Variants in HLCS observed in about 807,000 individuals in gnomAD.
The protein encoded by HLCS is holocarboxylase synthetase.
In HLCS, 53 loss-of-function variants were observed where a neutral mutation model predicts 75.0. The ratio of observed to expected loss-of-function variants is 0.71; its 90% confidence interval spans 0.57 to 0.89. The LOEUF is 0.89. Among genes scored for constraint, HLCS ranks in the 40% least tolerant of loss-of-function variants. The probability of loss-of-function intolerance (pLI) is 0.00; values close to 1 mark genes in which losing one functional copy is unlikely to be tolerated. For missense variants in HLCS, 966 were observed against 1,074.0 expected (o/e 0.90, Z 1.41); for synonymous variants, 431 against 428.6 (o/e 1.01, Z -0.07).
chr21:36,970,353 T>C (rs2068751977), upstream of HLCS, among the ~76,000 whole-genome samples: 1 of 151,834 alleles, frequency 6.6e-6, no homozygotes, highest in Non-Finnish European at 1.5e-5. Context: ...CCTCCTCAGT[T>C]TCCCAAAGTG....
rs1014216104 is a variant in HLCS at position 36,754,154 on chromosome 21, A to C, written c.*92T>G. ...AAAAGAACAAAGACTTAACAAATGAATTGGAGGAAAAGAAAATTCACCTAC... is the reference window on the plus strand; with the variant it reads ...AAAAGAACAAAGACTTAACAAATGACTTGGAGGAAAAGAAAATTCACCTAC... On this transcript the variant is annotated 3_prime_UTR_variant, in exon 11 of 11. Coordinates refer to ENST00000674895, the MANE Select transcript of HLCS (RefSeq NM_001352514.2). 1 of 1,251,810 alleles carries C rather than the reference A, an allele frequency of 8.0e-7. No homozygotes were observed. Among genetic ancestry groups the C allele is most frequent in the Non-Finnish European group, 1.1e-6 (1 of 872,994 alleles). 77.5% of individuals were successfully genotyped at this position (1,251,810 alleles called of 1,614,324 possible).
In HLCS at chr21:36,930,450, G is replaced by A. The variant is rs1266390614; in HGVS notation, c.1438-17C>T. The A allele has an allele frequency of 1.9e-6, 3 of 1,607,644 alleles. No homozygotes were observed. Among genetic ancestry groups the A allele is most frequent in the South Asian group, 2.2e-5 (2 of 90,936 alleles). ...TAAGTGCACCTGAAGGGGAAAGATA[G>A]CACTATGTAAACTGAGGGCACTCAC... On this transcript the variant is annotated splice_polypyrimidine_tract_variant and intron_variant, in intron 4 of 10. Coordinates refer to ENST00000674895, the MANE Select transcript of HLCS (RefSeq NM_001352514.2).
intron 3 of HLCS, among the ~76,000 whole-genome samples, chr21:36,938,392 A>G (rs1180875199): frequency 1.3e-5 from 2 of 152,270 alleles, no homozygotes; most frequent in Non-Finnish European, 2.9e-5. Flanking sequence ...CATGAATTGT[A>G]TATTATTACA....
At position 36,888,432 on chromosome 21, in the gene HLCS, TAA is replaced by T. The variant is rs1191691491; in HGVS notation, c.1892+8426_1892+8427del. Among the ~76,000 whole-genome samples, 108 of 23,714 alleles carry T rather than the reference TAA, an allele frequency of 4.6e-3. 3 individuals carry two copies. Among genetic ancestry groups the T allele is most frequent in the South Asian group, 6.7e-3 (3 of 450 alleles). The allele number at this position is 23,714 out of a possible 152,430, so 15.6% of individuals were successfully genotyped here. On this transcript the variant is annotated intron_variant, in intron 6 of 10. Transcript: ENST00000674895. ...AATGCGATCCTGCCCCCTTCCCATT[TAA>T]AAAAAAAAAAAATATATATATATAT...
chr21:36,820,380 C>CGACTGG (rs1196435918), intron 6 of HLCS, among the ~76,000 whole-genome samples: 1 of 152,142 alleles, frequency 6.6e-6, no homozygotes, highest in African/African-American at 2.4e-5. Context: ...GCCGGGCCGC[C>CGACTGG]GACTGGGATT....
chr21:36,910,546 GA>G (rs201799627), intron 5 of HLCS, among the ~76,000 whole-genome samples: 2,406 of 144,032 alleles, frequency 0.017, 64 homozygotes, highest in African/African-American at 0.055. Flanking sequence ...ACTCTGTATG[GA>G]AAAAAAAAAA....
chr21:36,802,527 T>G (rs546415949), intron 6 of HLCS, among the ~76,000 whole-genome samples: 3 of 152,346 alleles, frequency 2.0e-5, no homozygotes, highest in African/African-American at 7.2e-5. Context: ...ATAAAAAAAG[T>G]TGAAAAGTTG....
intron 6 of HLCS, among the ~76,000 whole-genome samples, chr21:36,784,662 G>A (rs1409137773): frequency 6.6e-6 from 1 of 152,074 alleles, no homozygotes; most frequent in African/African-American, 2.4e-5. Flanking sequence ...AGTCCTGGAG[G>A]CTATAAGGCT....
intron 6 of HLCS, among the ~76,000 whole-genome samples, chr21:36,823,287 A>G (rs996172424): frequency 2.0e-5 from 3 of 152,234 alleles, no homozygotes; most frequent in Non-Finnish European, 4.4e-5. Context: ...AAGAGGTGAC[A>G]GTCATCTGTG....
upstream of HLCS, among the ~76,000 whole-genome samples, chr21:36,969,809 G>GTGA (rs1211552726): frequency 1.3e-5 from 2 of 152,094 alleles, no homozygotes; most frequent in African/African-American, 4.8e-5. Flanking sequence ...CTAACCTCAG[G>GTGA]TGATCGTCCC....
intron 1 of HLCS, among the ~76,000 whole-genome samples, chr21:36,981,638 G>A (rs2069124217): frequency 2.0e-5 from 3 of 152,028 alleles, no homozygotes; most frequent in African/African-American, 7.3e-5. Context: ...GACCTCAGGT[G>A]ATCCACCCAC....
chr21:36,827,459 A>G (rs1236503909), intron 6 of HLCS, among the ~76,000 whole-genome samples: 1 of 151,596 alleles, frequency 6.6e-6, no homozygotes, highest in Non-Finnish European at 1.5e-5. Flanking sequence ...CTGTAATCCC[A>G]GCTACTCGGG....
intron 1 of HLCS, among the ~76,000 whole-genome samples, chr21:36,982,319 G>C (rs1029790835): frequency 6.6e-6 from 1 of 152,054 alleles, no homozygotes; most frequent in South Asian, 2.1e-4. Flanking sequence ...ACATCCACTC[G>C]TCTCCTGGAG....
intron 10 of HLCS, among the ~76,000 whole-genome samples, chr21:36,754,778 T>C (rs546470703): frequency 1.3e-5 from 2 of 152,272 alleles, no homozygotes; most frequent in African/African-American, 4.8e-5. Flanking sequence ...TGGAGGAAAA[T>C]AGGCCGAGTT....
intron 6 of HLCS, among the ~76,000 whole-genome samples, chr21:36,788,417 C>T (rs1305687330): frequency 6.6e-6 from 1 of 152,240 alleles, no homozygotes; most frequent in Admixed American, 6.5e-5. Context: ...TACTGTTACA[C>T]ACTGGCCCAC....
rs368177325 is a variant in HLCS, at chr21:36,897,058, A to C, written c.1694T>G (p.Leu565Arg). The part of the protein sequence containing the change: ...DSEGEIKSGQ[L>R]SLRFVSSYVS... ...GTAGGATGAAACAAATCTAAGAGAG[A>C]GCTGGCCGGATTTTATTTCTCCCTC... The change falls in exon 6 of 11, where the codon CTC (leucine) becomes CGC (arginine). Residue 565 changes from leucine to arginine, a missense_variant. By Grantham distance (102) the Leu-to-Arg change is moderately radical. Transcript: ENST00000674895. The C allele has an allele frequency of 1.2e-6, 2 of 1,614,168 alleles. No individual in the cohort carries two copies. The highest frequency in any genetic ancestry group is 1.7e-6 in the Non-Finnish European group (2 of 1,180,014).
chr21:36,841,117 C>T (rs930631039), intron 6 of HLCS, among the ~76,000 whole-genome samples: 1 of 152,042 alleles, frequency 6.6e-6, no homozygotes, highest in African/African-American at 2.4e-5. Context: ...GTGAAAAAAC[C>T]TTTTGGAAGC....
intron 5 of HLCS, among the ~76,000 whole-genome samples, chr21:36,908,352 G>A (rs1399282320): frequency 6.6e-6 from 1 of 151,112 alleles, no homozygotes; most frequent in Non-Finnish European, 1.5e-5. Context: ...CTGTGCCACT[G>A]CACTGACAGC....
intron 6 of HLCS, among the ~76,000 whole-genome samples, chr21:36,812,825 G>A (rs533811529): frequency 1.5e-4 from 23 of 152,292 alleles, no homozygotes; most frequent in Middle Eastern, 3.4e-3. Context: ...TTGGGAGGCC[G>A]AGGTGCGAGG....
Sources: allele counts gnomAD v4.1 joint callset (sites outside exome capture counted in the v4.1 genomes callset), GRCh38; gene constraint gnomAD v4.1.1; transcripts MANE v1.5; gene names NCBI Gene and HGNC (gene_info 2026-07-23, HGNC 2026-07-21).